CDC27: variants seen among roughly 807,000 people sequenced by gnomAD.
CDC27 encodes cell division cycle protein 27 homolog.
CDC27 carries 27 observed loss-of-function variants against 109.7 expected under a neutral mutation model. The ratio of observed to expected loss-of-function variants is 0.25; its 90% CI spans 0.18 to 0.34. CDC27 has a LOEUF of 0.34. Among genes scored for constraint, CDC27 ranks in the 10% least tolerant of loss-of-function variants. The pLI is 1.00. For synonymous variants in CDC27, 266 were observed against 333.9 expected, an observed-to-expected ratio of 0.80 and a Z score of 2.22; for missense variants, 579 against 960.2, an observed-to-expected ratio of 0.60 and a Z score of 5.25.
At chr17:47,183,738 G>A (rs1160889418) in intron 1 of CDC27, among the ~76,000 whole-genome samples, 1 of 152,110 alleles carries the variant, frequency 6.6e-6, no homozygotes, top group Non-Finnish European at 1.5e-5. Context: ...TAGGGGCTAC[G>A]TCTGTTTTTG....
intron 9 of CDC27, among the ~76,000 whole-genome samples, chr17:47,144,610 AT>A (rs781398649): frequency 6.6e-5 from 10 of 152,170 alleles, no homozygotes; most frequent in Non-Finnish European, 1.2e-4. Context: ...GCCTCTGTAC[AT>A]TTTTACTTTA....
intron 14 of CDC27, among the ~76,000 whole-genome samples, chr17:47,133,028 T>TATACACAC (rs1555783886): frequency 3.1e-3 from 93 of 29,784 alleles, no homozygotes; most frequent in African/African-American, 4.1e-3. Context: ...TATATATATA[T>TATACACAC]ACACACACAC....
intron 14 of CDC27, among the ~76,000 whole-genome samples, chr17:47,133,028 TACACAC>T (rs71138587): frequency 9.4e-4 from 28 of 29,824 alleles, no homozygotes; most frequent in South Asian, 3.2e-3. Context: ...TATATATATA[TACACAC>T]ACACACACAC....
chr17:47,132,423 G>A, intron 14 of CDC27, 49 bp from the exon 15 acceptor site: 1 of 880,088 alleles, frequency 1.1e-6, no homozygotes, highest in Non-Finnish European at 1.7e-6. Flanking sequence ...AGTTTAGGTT[G>A]CTAATTTAGT....
In CDC27 at chr17:47,144,312, T is replaced by C. The variant is rs11570514; in HGVS notation, c.1071-330A>G. 9.8e-3 allele frequency among the ~76,000 whole-genome samples: 1,493 copies of C among 152,272 alleles called. 25 individuals are homozygous for C. Among genetic ancestry groups the C allele is most frequent in the African/African-American group, 0.03 (1,252 of 41,540 alleles). ...CGTTACTACAAAATAGTAAAGATTA[T>C]AGCATAGATCTTCACTCTCTCTGAA... is the stretch of plus-strand genomic sequence containing the variant. On this transcript the variant is annotated intron_variant, in intron 9 of 18. Coordinates refer to ENST00000066544, the MANE Select transcript of CDC27 (RefSeq NM_001256.6).
At chr17:47,126,803 T>A (rs186129379) in intron 16 of CDC27, among the ~76,000 whole-genome samples, 60 of 128,558 alleles carry the variant, frequency 4.7e-4, no homozygotes, top group African/African-American at 1.4e-3. Flanking sequence ...ATGAAAAAAA[T>A]TTTTTTTTGA....
At chr17:47,156,115 G>A (rs1034736954) in intron 7 of CDC27, among the ~76,000 whole-genome samples, 5 of 152,042 alleles carry the variant, frequency 3.3e-5, no homozygotes, top group Non-Finnish European at 7.4e-5. Context: ...ACCTAATTAA[G>A]GAATATTTCA....
intron 16 of CDC27, among the ~76,000 whole-genome samples, chr17:47,126,342 A>C (rs755207023): frequency 1.3e-5 from 2 of 152,178 alleles, no homozygotes; most frequent in Non-Finnish European, 2.9e-5. Flanking sequence ...TAGGCCTCAT[A>C]ATTCAGCGAA....
At chr17:47,138,984 A>C in intron 12 of CDC27, 93 bp from the exon 13 acceptor site, 1 of 802,412 alleles carries the variant, frequency 1.2e-6, no homozygotes, top group South Asian at 1.9e-5. Flanking sequence ...ACAGGATCTA[A>C]ATGCTGCCTT....
intron 16 of CDC27, among the ~76,000 whole-genome samples, chr17:47,127,376 A>G (rs2062175194): frequency 6.6e-6 from 1 of 152,170 alleles, no homozygotes; most frequent in Admixed American, 6.5e-5. Context: ...TATATATTTA[A>G]TCCCTTTGTA....
intron 1 of CDC27, among the ~76,000 whole-genome samples, chr17:47,183,996 C>A (rs1006833911): frequency 6.6e-6 from 1 of 152,122 alleles, no homozygotes; most frequent in African/African-American, 2.4e-5. Flanking sequence ...TAATTACCAC[C>A]AAATTACTCC....
At chr17:47,124,406 C>T (rs1281699527) in intron 16 of CDC27, among the ~76,000 whole-genome samples, 1 of 152,140 alleles carries the variant, frequency 6.6e-6, no homozygotes, top group African/African-American at 2.4e-5. Context: ...GCCTCAGCCT[C>T]CCGCGTAACT....
At chr17:47,144,123 C>T (rs2062881600) in intron 9 of CDC27, 141 bp from the exon 10 acceptor site, 3 of 330,466 alleles carry the variant, frequency 9.1e-6, no homozygotes, top group African/African-American at 2.1e-5. Flanking sequence ...CAGTTCTTTT[C>T]GTGGTTTCTC....
intron 14 of CDC27, among the ~76,000 whole-genome samples, chr17:47,133,018 T>TATATAC: frequency 2.1e-5 from 1 of 47,290 alleles, no homozygotes; most frequent in East Asian, 8.4e-4. Flanking sequence ...TATATATATA[T>TATATAC]ATATATATAT....
At chr17:47,174,832 T>G (rs991106415) in intron 2 of CDC27, among the ~76,000 whole-genome samples, 1 of 152,090 alleles carries the variant, frequency 6.6e-6, no homozygotes, top group Non-Finnish European at 1.5e-5. Context: ...GGCGTGCACC[T>G]GTGATCCCAG....
rs34375130 is a variant in CDC27 at position 47,149,509 on chromosome 17, T to TAA, written c.1070+2295_1070+2296dup. Among the ~76,000 whole-genome samples, 984 of 112,104 alleles carry TAA rather than the reference T, an allele frequency of 8.8e-3. 11 individuals carry two copies. Among genetic ancestry groups the TAA allele is most frequent in the African/African-American group, 0.031 (908 of 29,440 alleles). 73.5% of individuals were successfully genotyped at this position (112,104 alleles called of 152,430 possible). A position where few individuals can be genotyped will look rare whatever the true frequency, so the allele number is the denominator to read the frequency against. On this transcript the variant is annotated intron_variant, in intron 9 of 18. Coordinates refer to ENST00000066544, the MANE Select transcript of CDC27 (RefSeq NM_001256.6). Reference sequence around the variant, plus strand: ...CTGGTGACAGAGTGAGACTCTGTCTTAAAAAAAAAAAAAAAAAAAAAGAAA... The same window carrying TAA: ...CTGGTGACAGAGTGAGACTCTGTCTTAAAAAAAAAAAAAAAAAAAAAAAGAAA...
chr17:47,172,256 G>A (rs1370207685), intron 2 of CDC27, among the ~76,000 whole-genome samples, 192 bp from the exon 3 acceptor site: 1 of 152,052 alleles, frequency 6.6e-6, no homozygotes, highest in Non-Finnish European at 1.5e-5. Flanking sequence ...CTTAGATCTT[G>A]ATTACTTTTC....
At chr17:47,170,093 C>T in intron 3 of CDC27, 51 bp from the exon 4 acceptor site, 1 of 1,350,958 alleles carries the variant, frequency 7.4e-7, no homozygotes, top group Non-Finnish European at 9.8e-7. Flanking sequence ...AAAAGCAGTT[C>T]ATGTAAACAT....
chr17:47,133,376 G>T (rs1265853024), intron 14 of CDC27, among the ~76,000 whole-genome samples: 2 of 148,952 alleles, frequency 1.3e-5, no homozygotes, highest in African/African-American at 5.0e-5. Context: ...GACCTCAGGT[G>T]ATCCGCCCGC....
Sources: gnomAD v4.1 joint callset for allele counts (sites outside exome capture counted in the v4.1 genomes callset) on GRCh38, gnomAD v4.1.1 for gene constraint, MANE v1.5 for transcripts, NCBI Gene and HGNC (gene_info 2026-07-23, HGNC 2026-07-21) for gene names.